Variants in PCCB observed in about 807,000 individuals in gnomAD.
PCCB encodes the protein propionyl-CoA carboxylase beta chain, mitochondrial.
A neutral mutation model predicts 60.7 loss-of-function variants in PCCB; 43 were observed. The observed-to-expected ratio is 0.71, with a 90% CI of 0.55 to 0.91. The LOEUF is 0.91. Among genes scored for constraint, PCCB ranks in the 40% least tolerant of loss-of-function variants. PCCB has a pLI of 0.00. For missense variants in PCCB, 766 were observed against 702.8 expected (o/e 1.09, Z -1.02); for synonymous variants, 276 against 255.9 (o/e 1.08, Z -0.75).
At chr3:136,290,424 G>GT (rs901649161) in intron 6 of PCCB, among the ~76,000 whole-genome samples, 1 of 152,088 alleles carries the variant, frequency 6.6e-6, no homozygotes, top group Non-Finnish European at 1.5e-5. Flanking sequence ...TAGGCAAAAT[G>GT]TTTTTTTCTT....
At chr3:136,260,395 G>A in intron 3 of PCCB, 84 bp from the exon 4 acceptor site, 5 of 1,208,674 alleles carry the variant, frequency 4.1e-6, no homozygotes, top group South Asian at 2.6e-5. Flanking sequence ...TTTTATCTGT[G>A]AATTTTCTAT....
chr3:136,261,631 G>A, intron 4 of PCCB, among the ~76,000 whole-genome samples: 1 of 152,198 alleles, frequency 6.6e-6, no homozygotes, highest in East Asian at 1.9e-4. Context: ...AGCAGTACCT[G>A]GGAACAAAAC....
chr3:136,255,807 A>G (rs770122436), intron 1 of PCCB, 49 bp from the exon 2 acceptor site: 7 of 1,549,874 alleles, frequency 4.5e-6, no homozygotes, highest in East Asian at 4.5e-5. Context: ...TGCTTTGCTT[A>G]CTAAATTGTC....
intron 10 of PCCB, among the ~76,000 whole-genome samples, chr3:136,324,017 G>A (rs1167659363): frequency 1.4e-5 from 2 of 140,540 alleles, no homozygotes; most frequent in South Asian, 4.6e-4. Context: ...GATATTTAAT[G>A]TCATATATGT....
intron 13 of PCCB, among the ~76,000 whole-genome samples, chr3:136,328,055 AC>A (rs1352668671): frequency 6.6e-6 from 1 of 152,156 alleles, no homozygotes; most frequent in Admixed American, 6.5e-5. Flanking sequence ...AACTGAAGTC[AC>A]CTTCAGAAGT....
intron 5 of PCCB, among the ~76,000 whole-genome samples, chr3:136,273,880 C>T (rs1942271943): frequency 7.5e-6 from 1 of 133,534 alleles, no homozygotes; most frequent in Admixed American, 8.5e-5. Flanking sequence ...CCACTGCACT[C>T]CAGTCTGGGT....
chr3:136,275,758 G>T (rs930870506), intron 5 of PCCB, among the ~76,000 whole-genome samples: 2 of 151,716 alleles, frequency 1.3e-5, no homozygotes, highest in African/African-American at 4.8e-5. Flanking sequence ...GATGCTGGTT[G>T]TATTTATTTA....
rs1234601169 is a variant in PCCB at position 136,306,148 on chromosome 3, A to T, written c.966+5037A>T. ...GCAGATACAAATAGTTTTCATTTAT[A>T]TAAAGCTACAATAAGAAAACAAAAA... is the stretch of plus-strand genomic sequence containing the variant. On this transcript the variant is annotated intron_variant, in intron 9 of 14. Transcript: ENST00000251654. Among the ~76,000 whole-genome samples, 16 of 122,956 alleles carry T rather than the reference A, an allele frequency of 1.3e-4. 3 individuals carry two copies. The highest frequency in any genetic ancestry group is 4.0e-4 in the African/African-American group (16 of 40,170). 80.7% of individuals were successfully genotyped at this position (122,956 alleles called of 152,430 possible).
intron 9 of PCCB, among the ~76,000 whole-genome samples, chr3:136,306,728 A>C (rs1484726732): frequency 8.2e-6 from 1 of 122,586 alleles, no homozygotes; most frequent in African/African-American, 2.5e-5. Flanking sequence ...AGTTAAATGT[A>C]TGAGAAAAAA....
chr3:136,297,930 T>C (rs754176504), intron 7 of PCCB, 22 bp from the exon 8 acceptor site: 6 of 1,613,818 alleles, frequency 3.7e-6, no homozygotes, highest in Non-Finnish European at 5.1e-6. Context: ...GACTCAATCA[T>C]ATATGCTCCC....
At chr3:136,280,832 T>C (rs1942456977) in intron 5 of PCCB, among the ~76,000 whole-genome samples, 1 of 152,148 alleles carries the variant, frequency 6.6e-6, no homozygotes. Flanking sequence ...AAAAAAACTT[T>C]CTGTAGAGAT....
Position 136,307,640 on chromosome 3 carries a change from AG to A in PCCB, c.966+6531del, listed in dbSNP as rs1468314957. Among the ~76,000 whole-genome samples, 8 of 152,068 alleles carry A rather than the reference AG, an allele frequency of 5.3e-5. No homozygotes were observed. In the South Asian group the frequency reaches 1.4e-3, roughly 28 times the overall value. On this transcript the variant is annotated intron_variant, in intron 9 of 14. Coordinates refer to ENST00000251654, the MANE Select transcript of PCCB (RefSeq NM_000532.5). Reference sequence around the variant, plus strand: ...TGATAAAGGGGAAAAATAAAAAAAAAGGTAAAAGACAATAAATATAGAATAC... The same window carrying A: ...TGATAAAGGGGAAAAATAAAAAAAAAGTAAAAGACAATAAATATAGAATAC...
At chr3:136,309,493 A>G (rs1934577648) in intron 9 of PCCB, among the ~76,000 whole-genome samples, 1 of 152,122 alleles carries the variant, frequency 6.6e-6, no homozygotes, top group Non-Finnish European at 1.5e-5. Flanking sequence ...CCATTGAAAA[A>G]GAAGAAACTT....
chr3:136,294,497 G>C (rs576024959), intron 7 of PCCB, among the ~76,000 whole-genome samples: 126 of 151,652 alleles, frequency 8.3e-4, no homozygotes, highest in Middle Eastern at 6.8e-3. Flanking sequence ...TTTTTGTAGA[G>C]ATGGGGTTTT....
chr3:136,280,695 G>A (rs745744092), intron 5 of PCCB, among the ~76,000 whole-genome samples: 1 of 152,126 alleles, frequency 6.6e-6, no homozygotes, highest in Non-Finnish European at 1.5e-5. Context: ...GGGTCTTGCT[G>A]TGTCACGCAG....
chr3:136,318,399 G>T (rs1934990559), intron 10 of PCCB, among the ~76,000 whole-genome samples: 1 of 152,084 alleles, frequency 6.6e-6, no homozygotes, highest in Non-Finnish European at 1.5e-5. Context: ...AAAAAATTTT[G>T]TCATGGTAAA....
At chr3:136,255,792 G>GC (rs1941656926) in intron 1 of PCCB, 64 bp from the exon 2 acceptor site, 1 of 1,450,324 alleles carries the variant, frequency 6.9e-7, no homozygotes, top group Non-Finnish European at 9.7e-7. Flanking sequence ...CCCATGAACA[G>GC]CCCTTGCTTT....
intron 1 of PCCB, among the ~76,000 whole-genome samples, chr3:136,254,897 C>T (rs1212795427): frequency 6.9e-6 from 1 of 144,868 alleles, no homozygotes; most frequent in Non-Finnish European, 1.5e-5. Context: ...TTTTTTGGGA[C>T]GGAGTTTCAC....
At chr3:136,307,290 A>G (rs1934476143) in intron 9 of PCCB, among the ~76,000 whole-genome samples, 1 of 138,740 alleles carries the variant, frequency 7.2e-6, no homozygotes, top group African/African-American at 2.4e-5. Flanking sequence ...ATTGGTAGTG[A>G]TTATCTAATA....
Sources: allele counts gnomAD v4.1 joint callset (sites outside exome capture counted in the v4.1 genomes callset), GRCh38; gene constraint gnomAD v4.1.1; transcripts MANE v1.5; gene names NCBI Gene and HGNC (gene_info 2026-07-23, HGNC 2026-07-21).